Variants in ZBTB16 observed in about 807,000 individuals in gnomAD.
ZBTB16 encodes zinc finger and BTB domain containing 16.
Under a neutral mutation model 56.8 loss-of-function variants are expected in ZBTB16, and 8 were observed. The observed-to-expected ratio is 0.14, with a 90% CI of 0.08 to 0.25. The LOEUF (loss-of-function observed/expected upper bound fraction) is 0.25. Ranked by LOEUF, ZBTB16 falls within the 10% of genes least tolerant of loss-of-function variation. ZBTB16 has a pLI of 1.00. For synonymous variants in ZBTB16, 363 were observed against 368.5 expected, an observed-to-expected ratio of 0.98 and a Z score of 0.17; for missense variants, 625 against 903.0, an observed-to-expected ratio of 0.69 and a Z score of 3.95.
At chr11:114,230,009 C>A (rs943964021) in intron 4 of ZBTB16, among the ~76,000 whole-genome samples, 2 of 152,044 alleles carry the variant, frequency 1.3e-5, no homozygotes, top group Non-Finnish European at 2.9e-5. Context: ...TGTGGCCCAG[C>A]GGAGAAGGCC....
Position 114,168,477 on chromosome 11 carries a change from C to CA in ZBTB16, c.1366+12043_1366+12044insA, listed in dbSNP as rs1247091732. Among the ~76,000 whole-genome samples the CA allele has an allele frequency of 5.9e-5, 9 of 152,296 alleles. No homozygotes were observed. In the East Asian group the frequency reaches 1.4e-3, roughly 23 times the overall value. On this transcript the variant is annotated intron_variant, in intron 3 of 6. Transcript: ENST00000335953. ...AACTTGCTGTGTTCCAGGCACAGTGCTATGTGTTCTGCATATCTGAACTCA... is the reference window on the plus strand; with the variant it reads ...AACTTGCTGTGTTCCAGGCACAGTGCATATGTGTTCTGCATATCTGAACTCA...
rs981499148 is a variant in ZBTB16 at position 114,246,625 on chromosome 11, C to T, written c.1625-573C>T. Reference sequence around the variant, plus strand: ...TTCTGCCTGGGGAACTAAAGGGAAGCGTCCACGCGGGGGTATCATATGAGC... The same window carrying T: ...TTCTGCCTGGGGAACTAAAGGGAAGTGTCCACGCGGGGGTATCATATGAGC... On this transcript the variant is annotated intron_variant, in intron 5 of 6. Transcript: ENST00000335953. Among the ~76,000 whole-genome samples the T allele has an allele frequency of 2.6e-5, 4 of 152,276 alleles. No homozygotes were observed. In the East Asian group the frequency reaches 5.8e-4, roughly 22 times the overall value.
Position 114,060,160 on chromosome 11 carries a change from T to G in ZBTB16, c.-91+278T>G. 1 of 186,024 alleles carries G rather than the reference T, an allele frequency of 5.4e-6. No individual in the cohort carries two copies. Among genetic ancestry groups the G allele is most frequent in the Non-Finnish European group, 1.1e-5 (1 of 90,610 alleles). 11.5% of individuals were successfully genotyped at this position (186,024 alleles called of 1,614,324 possible). A position where few individuals can be genotyped will look rare whatever the true frequency, so the allele number is the denominator to read the frequency against. On this transcript the variant is annotated intron_variant, in intron 1 of 6. Coordinates refer to ENST00000335953, the MANE Select transcript of ZBTB16 (RefSeq NM_006006.6). This position sits in a 1 kb window ranked among gnomAD's most constrained non-coding sequence, Gnocchi z 6.0. Reference sequence around the variant, plus strand: ...CGGTCGGGGTGAGAGGTGGGGGGCGTAGCGGTGTGCGGGGGCTGAGGGCGT... The same window carrying G: ...CGGTCGGGGTGAGAGGTGGGGGGCGGAGCGGTGTGCGGGGGCTGAGGGCGT...
At chr11:114,217,766 G>A (rs945335075) in intron 4 of ZBTB16, among the ~76,000 whole-genome samples, 1 of 152,178 alleles carries the variant, frequency 6.6e-6, no homozygotes, top group African/African-American at 2.4e-5. Flanking sequence ...GAACACCATG[G>A]TGGGGATGAG....
chr11:114,191,947 C>T lies in ZBTB16; in HGVS notation c.1453+4909C>T, dbSNP rs593038. ...AAAGATTATTCTGGCTCTTGTGTTGCGGACTGACCATAGAGAGTGTTGTCA... is the reference window on the plus strand; with the variant it reads ...AAAGATTATTCTGGCTCTTGTGTTGTGGACTGACCATAGAGAGTGTTGTCA... On this transcript the variant is annotated intron_variant, in intron 4 of 6. Coordinates refer to ENST00000335953, the MANE Select transcript of ZBTB16 (RefSeq NM_006006.6). Among the ~76,000 whole-genome samples the T allele has an allele frequency of 6.7e-4, 102 of 152,078 alleles. No homozygotes were observed. In the South Asian group the frequency reaches 0.014, roughly 21 times the overall value.
chr11:114,061,923 A>G (rs1938886956), intron 1 of ZBTB16, among the ~76,000 whole-genome samples: 1 of 152,102 alleles, frequency 6.6e-6, no homozygotes, highest in Non-Finnish European at 1.5e-5. Context: ...CGTGGAGTTC[A>G]CACACCCAGC....
At chr11:114,175,680 CA>C (rs1362324382) in intron 3 of ZBTB16, among the ~76,000 whole-genome samples, 1 of 152,110 alleles carries the variant, frequency 6.6e-6, no homozygotes, top group South Asian at 2.1e-4. Context: ...GAGGACTCGG[CA>C]TTCTCTTCAG....
At position 114,147,299 on chromosome 11, in the gene ZBTB16, A is replaced by G. The variant is rs1416284469; in HGVS notation, c.1269-9038A>G. Among the ~76,000 whole-genome samples the G allele has an allele frequency of 2.0e-5, 3 of 152,232 alleles. No homozygotes were observed. In the East Asian group the frequency reaches 5.8e-4, roughly 29 times the overall value. ...GTGTCTCCCTGGCTAGAGTGGAAAC[A>G]TATAAAAATGATCCTGGATAACCAG... On this transcript the variant is annotated intron_variant, in intron 2 of 6. Coordinates refer to ENST00000335953, the MANE Select transcript of ZBTB16 (RefSeq NM_006006.6).
chr11:114,233,277 A>G (rs532801210), intron 4 of ZBTB16, among the ~76,000 whole-genome samples: 12 of 151,956 alleles, frequency 7.9e-5, no homozygotes, highest in African/African-American at 2.9e-4. Flanking sequence ...AGCGGAGGAT[A>G]TTAGTCTCTG....
At position 114,120,950 on chromosome 11, in the gene ZBTB16, C is replaced by T. The variant is rs148238378; in HGVS notation, c.1269-35387C>T. Among the ~76,000 whole-genome samples the T allele has an allele frequency of 3.9e-3, 598 of 152,302 alleles. 6 individuals are homozygous for T. Among genetic ancestry groups the T allele is most frequent in the African/African-American group, 0.014 (567 of 41,568 alleles). ...AGCCTTGGCCGCTTCAAGATGGTGC[C>T]TCCTTGGGCAGCACCTACTCTGGAG... On this transcript the variant is annotated intron_variant, in intron 2 of 6. Transcript: ENST00000335953.
chr11:114,059,791 G>A lies in ZBTB16; in HGVS notation c.-182G>A. On this transcript the variant is annotated 5_prime_UTR_variant, in exon 1 of 7. Coordinates refer to ENST00000335953, the MANE Select transcript of ZBTB16 (RefSeq NM_006006.6). The surrounding 1 kb of genome is among the most constrained non-coding windows in gnomAD (Gnocchi z 5.3). ...TGTCGCTGCCGCCGTGATACGGAGA[G>A]CAACAGTTCCCCAGCAACACCCCTC... 2.5e-6 allele frequency: 1 copy of A among 398,428 alleles called. No homozygotes were observed. The allele number at this position is 398,428 out of a possible 1,614,324, so 24.7% of individuals were successfully genotyped here.
At position 114,186,935 on chromosome 11, in the gene ZBTB16, CCT is replaced by C; in HGVS notation, c.1367-13_1367-12del. The C allele has an allele frequency of 6.2e-7, 1 of 1,613,380 alleles. No homozygotes were observed. The highest frequency in any genetic ancestry group is 1.1e-5 in the South Asian group (1 of 91,054). ...TGGACTATTGCTCTAGTGGTAACTG[CCT>C]CTCCTTTCTTTCAGCGGGTGCCAAA... On this transcript the variant is annotated splice_polypyrimidine_tract_variant and intron_variant, in intron 3 of 6. Transcript: ENST00000335953.
At position 114,083,087 on chromosome 11, in the gene ZBTB16, C is replaced by T. The variant is rs111687137; in HGVS notation, c.1268+18519C>T. ...CGGAGGAGCGGGCCGGCCTTGGAAA[C>T]GCCGTTCCAGGGCCCCTCGCTGGTT... On this transcript the variant is annotated intron_variant, in intron 2 of 6. Coordinates refer to ENST00000335953, the MANE Select transcript of ZBTB16 (RefSeq NM_006006.6). Among the ~76,000 whole-genome samples the T allele has an allele frequency of 1.0e-3, 156 of 152,320 alleles. 1 individual carries two copies. Among genetic ancestry groups the T allele is most frequent in the African/African-American group, 3.5e-3 (145 of 41,574 alleles).
chr11:114,190,152 G>T (rs1047780731), intron 4 of ZBTB16, among the ~76,000 whole-genome samples: 1 of 152,246 alleles, frequency 6.6e-6, no homozygotes, highest in South Asian at 2.1e-4. Flanking sequence ...CCAGGGGCTG[G>T]GGAAGTTGCG....
At chr11:114,194,742 AC>A (rs1442781453) in intron 4 of ZBTB16, among the ~76,000 whole-genome samples, 3 of 152,312 alleles carry the variant, frequency 2.0e-5, no homozygotes, top group East Asian at 3.9e-4. Context: ...GCACGTGCAC[AC>A]CCCCATGCAC....
At chr11:114,110,462 G>A (rs1940966394) in intron 2 of ZBTB16, among the ~76,000 whole-genome samples, 1 of 152,214 alleles carries the variant, frequency 6.6e-6, no homozygotes, top group Non-Finnish European at 1.5e-5. Flanking sequence ...TTTGCGTGAG[G>A]TTGGTTTAGA....
At chr11:114,243,655 G>A (rs404509) in intron 5 of ZBTB16, among the ~76,000 whole-genome samples, 22,499 of 152,228 alleles carry the variant, frequency 0.15, 2,242 homozygotes, top group African/African-American at 0.28. Flanking sequence ...TACAGCGATT[G>A]CGTAAGCATT....
At chr11:114,163,764 G>A (rs758796177) in intron 3 of ZBTB16, among the ~76,000 whole-genome samples, 1 of 152,166 alleles carries the variant, frequency 6.6e-6, no homozygotes, top group African/African-American at 2.4e-5. Context: ...GGGGAAGCTC[G>A]TTCCATCTAC....
chr11:114,166,968 AC>A, intron 3 of ZBTB16, among the ~76,000 whole-genome samples: 1 of 152,144 alleles, frequency 6.6e-6, no homozygotes. Context: ...TCCGTGCAAT[AC>A]TATGCATTTT....
Sources: gnomAD v4.1 joint callset for allele counts (sites outside exome capture counted in the v4.1 genomes callset) on GRCh38, gnomAD v4.1.1 for gene constraint, Gnocchi (gnomAD v3.1) non-coding constraint, MANE v1.5 for transcripts, NCBI Gene and HGNC (gene_info 2026-07-23, HGNC 2026-07-21) for gene names.